Variants in KRT71 observed in about 807,000 individuals in gnomAD.
The protein encoded by KRT71 is keratin, type II cytoskeletal 71.
In KRT71, 42 loss-of-function variants were observed where a neutral mutation model predicts 46.2. That is an observed-to-expected ratio of 0.91 (90% CI 0.71 to 1.18). The LOEUF is 1.18. KRT71 is among the 50% of genes most tolerant of loss of function. The probability of loss-of-function intolerance (pLI) is 0.00; values close to 1 mark genes in which losing one functional copy is unlikely to be tolerated. For synonymous variants in KRT71, 292 were observed against 277.8 expected (o/e 1.05, Z -0.51); for missense variants, 708 against 677.9 (o/e 1.04, Z -0.49).
At chr12:52,552,448 G>C (rs1939188226) in intron 1 of KRT71, among the ~76,000 whole-genome samples, 189 bp downstream of exon 1, 1 of 152,222 alleles carries the variant, frequency 6.6e-6, no homozygotes, top group South Asian at 2.1e-4. Flanking sequence ...ACCTGCCTCT[G>C]TTTTCTCTCT....
intron 6 of KRT71, among the ~76,000 whole-genome samples, chr12:52,547,622 GC>G (rs1939078261): frequency 6.6e-6 from 1 of 152,188 alleles, no homozygotes; most frequent in Non-Finnish European, 1.5e-5. Context: ...GAAGGTCTTA[GC>G]CCAGTGCCGA....
In KRT71 at chr12:52,544,611, C is replaced by T. The variant is rs200902043; in HGVS notation, c.1493G>A (p.Arg498Gln). The change falls in exon 9 of 9, where the codon CGG (arginine) becomes CAG (glutamine). Residue 498 changes from arginine to glutamine, a missense_variant. Arg to Gln is a conservative substitution (Grantham distance 43). Coordinates refer to ENST00000267119, the MANE Select transcript of KRT71 (RefSeq NM_033448.3). ...GTCTTTGTAATCGTTGGCACTGCCC[C>T]GGCTCCTGCCCTCCCCGCCTCTCAC... ...CSVRGGEGRS[R>Q]GSANDYKDTL... The T allele has an allele frequency of 2.5e-5, 40 of 1,614,040 alleles. No homozygotes were observed. The highest frequency in any genetic ancestry group is 8.3e-5 in the Admixed American group (5 of 60,030).
At chr12:52,551,034 T>C (rs966173892) in intron 1 of KRT71, among the ~76,000 whole-genome samples, 1 of 152,164 alleles carries the variant, frequency 6.6e-6, no homozygotes, top group African/African-American at 2.4e-5. Flanking sequence ...ATAGAATTAT[T>C]CCCCGAAAAT....
intron 1 of KRT71, among the ~76,000 whole-genome samples, chr12:52,550,889 T>G (rs1003402323): frequency 6.6e-6 from 1 of 152,224 alleles, no homozygotes; most frequent in Non-Finnish European, 1.5e-5. Context: ...GTTTGGTTTT[T>G]GGGGATGGGG....
intron 1 of KRT71, among the ~76,000 whole-genome samples, 165 bp from the exon 2 acceptor site, chr12:52,550,408 C>A (rs1188967691): frequency 2.0e-5 from 3 of 152,208 alleles, no homozygotes; most frequent in Admixed American, 1.3e-4. Flanking sequence ...AGACACAGAG[C>A]AACTTCGGCT....
intron 6 of KRT71, among the ~76,000 whole-genome samples, chr12:52,547,248 G>T (rs768458228): frequency 2.6e-5 from 4 of 152,172 alleles, no homozygotes; most frequent in Non-Finnish European, 5.9e-5. Flanking sequence ...GCCTCTCAGG[G>T]TCTTGGTGAG....
intron 8 of KRT71, 76 bp from the exon 9 acceptor site, chr12:52,544,819 G>A: frequency 1.5e-6 from 2 of 1,303,252 alleles, no homozygotes; most frequent in East Asian, 5.0e-5. Flanking sequence ...GGCAGACAGG[G>A]CTTTTCTTGG....
At chr12:52,546,182 C>CACTTCCTA (rs1939053286) in intron 7 of KRT71, 104 bp downstream of exon 7, 2 of 1,232,754 alleles carry the variant, frequency 1.6e-6, no homozygotes, top group African/African-American at 3.0e-5. Flanking sequence ...ATCACCCCAT[C>CACTTCCTA]ACTTCCTAAG....
intron 6 of KRT71, among the ~76,000 whole-genome samples, chr12:52,547,010 CTT>C (rs755570235): frequency 1.2e-4 from 18 of 152,212 alleles, no homozygotes; most frequent in Non-Finnish European, 1.0e-4. Flanking sequence ...ATTGACATAA[CTT>C]AACGCATTTA....
chr12:52,547,356 G>A (rs1378795627), intron 6 of KRT71, among the ~76,000 whole-genome samples: 1 of 152,156 alleles, frequency 6.6e-6, no homozygotes, highest in Non-Finnish European at 1.5e-5. Flanking sequence ...CTATATTCCT[G>A]GGAGTAGTCC....
In KRT71 at chr12:52,552,553, T is replaced by C. The variant is rs566815300; in HGVS notation, c.441+84A>G. ...AAGTCTTCCTCACATCTAACCTCAA[T>C]CTCTCCTGCTGTAACAAAATCGTAT... On this transcript the variant is annotated intron_variant, in intron 1 of 8. Transcript: ENST00000267119. 4.4e-5 allele frequency: 62 copies of C among 1,398,676 alleles called. No homozygotes were observed. The African/African-American group carries it at 8.3e-4, about 19-fold the overall frequency. 86.6% of individuals were successfully genotyped at this position (1,398,676 alleles called of 1,614,324 possible).
rs1565599879 is a variant in KRT71 at position 52,544,265 on chromosome 12, A to G, written c.*267T>C. On this transcript the variant is annotated 3_prime_UTR_variant, in exon 9 of 9. Transcript: ENST00000267119. The stretch of plus-strand genomic sequence containing the variant: ...GGGCAGAGGAGGAAAGCTGGCAGCC[A>G]GGACCTGGGCTGGTGGTGTAGCTGG... The G allele has an allele frequency of 1.8e-6, 1 of 542,932 alleles. No individual in the cohort carries two copies. The highest frequency in any genetic ancestry group is 3.2e-5 in the East Asian group (1 of 31,402). 33.6% of individuals were successfully genotyped at this position (542,932 alleles called of 1,614,324 possible).
At chr12:52,546,876 G>A (rs1939066881) in intron 6 of KRT71, among the ~76,000 whole-genome samples, 1 of 152,214 alleles carries the variant, frequency 6.6e-6, no homozygotes, top group Non-Finnish European at 1.5e-5. Flanking sequence ...AGACGCAAAG[G>A]CAGCAGCTGC....
In KRT71 at chr12:52,553,031, C is replaced by G; in HGVS notation, c.47G>C (p.Gly16Ala). Residue 16 changes from glycine to alanine, a missense_variant, in exon 1 of 9, where the codon GGC becomes GCC. Transcript: ENST00000267119. ...TCKSGAAAKG[G>A]FSGCSAVLSG... ...GAGCACAGCTGAGCAGCCACTGAAG[C>G]CCCCCTTGGCGGCAGCTCCCGACTT... 1 of 1,600,042 alleles carries G rather than the reference C, an allele frequency of 6.2e-7. No individual in the cohort carries two copies. Among genetic ancestry groups the G allele is most frequent in the Non-Finnish European group, 8.5e-7 (1 of 1,171,772 alleles).
rs3803083 is a variant in KRT71 at position 52,548,110 on chromosome 12, C to T, written c.978+42G>A. 244,976 of 1,605,178 alleles carry T rather than the reference C, an allele frequency of 0.15. 20,434 individuals carry two copies. The highest frequency in any genetic ancestry group is 0.22 in the South Asian group (19,817 of 88,966). On this transcript the variant is annotated intron_variant, in intron 5 of 8. Coordinates refer to ENST00000267119, the MANE Select transcript of KRT71 (RefSeq NM_033448.3). The stretch of plus-strand genomic sequence containing the variant: ...GCACGATCTGTCTCCATCTGCTGCC[C>T]GCTGGCATCACCCTCCCTGGCCCCA...
At chr12:52,549,949 T>C in intron 2 of KRT71, 80 bp downstream of exon 2, 1 of 1,546,730 alleles carries the variant, frequency 6.5e-7, no homozygotes, top group Non-Finnish European at 8.9e-7. Flanking sequence ...CTCCAAAGCA[T>C]TTAAGCTGGG....
In KRT71 at chr12:52,552,640, G is replaced by T; in HGVS notation, c.438C>A (p.Asp146Glu). Residue 146 changes from aspartate to glutamate, a missense_variant, in exon 1 of 9, where the codon GAC becomes GAA. Asp to Glu is a conservative substitution (Grantham distance 45, BLOSUM62 2). Coordinates refer to ENST00000267119, the MANE Select transcript of KRT71 (RefSeq NM_033448.3). ...CCCCAGGCCCTAGAAGACCCACCTT[G>T]TCGATGAAGGAGGCGAACTTGTTGT... The part of the protein sequence containing the change: ...ALNNKFASFI[D>E]KVRFLEQQNQ... 1 of 1,609,358 alleles carries T rather than the reference G, an allele frequency of 6.2e-7. No homozygotes were observed. Among genetic ancestry groups the T allele is most frequent in the Non-Finnish European group, 8.5e-7 (1 of 1,177,750 alleles).
chr12:52,547,697 C>T (rs1342218661), intron 6 of KRT71, among the ~76,000 whole-genome samples, 160 bp downstream of exon 6: 1 of 152,124 alleles, frequency 6.6e-6, no homozygotes, highest in Non-Finnish European at 1.5e-5. Flanking sequence ...ATGAGTAGCC[C>T]CCAGGGACGT....
Position 52,547,929 on chromosome 12 carries a change from G to A in KRT71, c.1032C>T (p.Thr344=). 2 of 1,614,160 alleles carry A rather than the reference G, an allele frequency of 1.2e-6. No individual in the cohort carries two copies. Among genetic ancestry groups the A allele is most frequent in the Non-Finnish European group, 1.7e-6 (2 of 1,180,038 alleles). Residue 344 remains threonine, a synonymous_variant, in exon 6 of 9, where the codon ACC becomes ACT. Coordinates refer to ENST00000267119, the MANE Select transcript of KRT71 (RefSeq NM_033448.3). ...AGRHGDDLKN[T]KNEISELTRL... ...GAGTGAGCTCCGAGATTTCATTCTT[G>A]GTGTTTTTGAGGTCGTCCCCATGCC...
Sources: gnomAD v4.1 joint callset for allele counts (sites outside exome capture counted in the v4.1 genomes callset) on GRCh38, gnomAD v4.1.1 for gene constraint, MANE v1.5 for transcripts, NCBI Gene and HGNC (gene_info 2026-07-23, HGNC 2026-07-21) for gene names.